Variants in RXFP1 observed in about 807,000 individuals in gnomAD.
RXFP1 encodes the protein relaxin family peptide receptor 1.
RXFP1 carries 73 observed loss-of-function variants against 89.8 expected under a neutral mutation model. The ratio of observed to expected loss-of-function variants is 0.81; its 90% confidence interval spans 0.67 to 0.99. The LOEUF (loss-of-function observed/expected upper bound fraction) is 0.99, where lower values mean the gene tolerates loss of function less well. Ranked by LOEUF, RXFP1 falls within the 50% of genes least tolerant of loss-of-function variation. The pLI is 0.00. For synonymous variants in RXFP1, 277 were observed against 305.5 expected, an observed-to-expected ratio of 0.91 and a Z score of 0.97; for missense variants, 793 against 895.5, an observed-to-expected ratio of 0.89 and a Z score of 1.46.
chr4:158,633,325 T>G, intron 11 of RXFP1, 80 bp from the exon 12 acceptor site: 1 of 913,776 alleles, frequency 1.1e-6, no homozygotes, highest in Non-Finnish European at 1.8e-6. Flanking sequence ...AAAAGTTGTA[T>G]AGTGGTTTCC....
At position 158,647,017 on chromosome 4, in the gene RXFP1, A is replaced by C; in HGVS notation, c.1572A>C (p.Gly524=). The C allele has an allele frequency of 6.2e-7, 1 of 1,614,136 alleles. No individual in the cohort carries two copies. Among genetic ancestry groups the C allele is most frequent in the Non-Finnish European group, 8.5e-7 (1 of 1,180,000 alleles). The change falls in exon 16 of 18, where the codon GGA becomes GGC. Residue 524 remains glycine (G), a synonymous_variant. Transcript: ENST00000307765. The part of the protein sequence containing the change: ...IVYPFRCVRP[G]KCRTITVLIL... ...ATCCTTTTAGATGTGTGAGACCTGG[A>C]AAATGCAGAACAATTACAGTTCTGA...
intron 9 of RXFP1, among the ~76,000 whole-genome samples, chr4:158,619,854 G>A (rs1034145895): frequency 2.0e-5 from 3 of 151,986 alleles, no homozygotes; most frequent in Non-Finnish European, 4.4e-5. Context: ...CCAGGATCTT[G>A]CACTGATCAA....
At chr4:158,640,689 T>A (rs544944911) in intron 14 of RXFP1, among the ~76,000 whole-genome samples, 1 of 152,290 alleles carries the variant, frequency 6.6e-6, no homozygotes, top group African/African-American at 2.4e-5. Flanking sequence ...AATCAACTTT[T>A]GACATGAGAT....
chr4:158,617,192 A>C lies in RXFP1; in HGVS notation c.742A>C (p.Arg248=). ...PDKPLCQHMP[R]LHWLDLEGNH... ...TAAACCTCTCTGTCAACACATGCCA[A>C]GACTACATTGGCTGTAAGCGATTCT... Residue 248 remains arginine (R), a synonymous_variant, in exon 9 of 18, where the codon AGA becomes CGA. Transcript: ENST00000307765. 4 of 1,609,658 alleles carry C rather than the reference A, an allele frequency of 2.5e-6. No individual in the cohort carries two copies. The highest frequency in any genetic ancestry group is 3.4e-6 in the Non-Finnish European group (4 of 1,177,422).
At chr4:158,543,983 C>T (rs2149843414) in intron 1 of RXFP1, 5 of 985,424 alleles carry the variant, frequency 5.1e-6, no homozygotes, top group Non-Finnish European at 6.0e-6. Context: ...TGCCATGTTT[C>T]GTCCATTTTG....
chr4:158,566,929 C>T (rs968366370), intron 1 of RXFP1, among the ~76,000 whole-genome samples: 5 of 152,284 alleles, frequency 3.3e-5, no homozygotes, highest in East Asian at 1.9e-4. Context: ...CCTCAGCTTG[C>T]GGGGAGGTGT....
intron 1 of RXFP1, among the ~76,000 whole-genome samples, chr4:158,522,889 A>T (rs554684938): frequency 2.2e-4 from 33 of 152,284 alleles, no homozygotes; most frequent in African/African-American, 7.7e-4. Context: ...AGTTTGCATA[A>T]GTTTTGTTAA....
At chr4:158,625,459 A>G (rs1414984689) in intron 9 of RXFP1, among the ~76,000 whole-genome samples, 1 of 152,122 alleles carries the variant, frequency 6.6e-6, no homozygotes. Flanking sequence ...ATGTCCCTCG[A>G]TCAGTCAATC....
At chr4:158,596,343 A>G (rs1236898419) in intron 3 of RXFP1, among the ~76,000 whole-genome samples, 1 of 149,628 alleles carries the variant, frequency 6.7e-6, no homozygotes, top group Non-Finnish European at 1.5e-5. Flanking sequence ...GGCTCACTGC[A>G]ACCTCTGCCT....
At chr4:158,541,093 G>T (rs534887706) in intron 1 of RXFP1, among the ~76,000 whole-genome samples, 2 of 152,182 alleles carry the variant, frequency 1.3e-5, no homozygotes, top group Admixed American at 1.3e-4. Context: ...GCCCTTGATG[G>T]CATTCAGAGT....
chr4:158,566,644 A>G (rs1753615695), intron 1 of RXFP1, among the ~76,000 whole-genome samples: 1 of 152,228 alleles, frequency 6.6e-6, no homozygotes. Context: ...GATTACAGGC[A>G]TAAGCCACCA....
chr4:158,538,096 T>C (rs867695203), intron 1 of RXFP1, among the ~76,000 whole-genome samples: 27 of 152,210 alleles, frequency 1.8e-4, no homozygotes, highest in Middle Eastern at 3.4e-3. Context: ...AGGGAAGAAA[T>C]GTGGAAAGAA....
At chr4:158,571,863 G>A (rs1024395705) in intron 1 of RXFP1, among the ~76,000 whole-genome samples, 17 of 152,162 alleles carry the variant, frequency 1.1e-4, no homozygotes, top group African/African-American at 4.1e-4. Flanking sequence ...ATTCAATGTG[G>A]CGATTCCCGC....
chr4:158,590,139 G>A (rs1579870290), intron 2 of RXFP1, among the ~76,000 whole-genome samples: 1 of 152,174 alleles, frequency 6.6e-6, no homozygotes, highest in African/African-American at 2.4e-5. Context: ...TCTATATAAT[G>A]TAGGGATACA....
chr4:158,612,226 T>C, intron 7 of RXFP1, 25 bp downstream of exon 7: 1 of 1,605,938 alleles, frequency 6.2e-7, no homozygotes, highest in South Asian at 1.1e-5. Context: ...TGTGGCATTT[T>C]ATTGCACTAG....
intron 1 of RXFP1, among the ~76,000 whole-genome samples, chr4:158,539,570 G>A (rs6845779): frequency 0.22 from 33,844 of 151,930 alleles, 5,397 homozygotes; most frequent in African/African-American, 0.44. Context: ...CTAGTTCCTG[G>A]TAGACATTTA....
chr4:158,589,817 C>T (rs941394157), intron 2 of RXFP1, among the ~76,000 whole-genome samples: 1 of 152,056 alleles, frequency 6.6e-6, no homozygotes, highest in South Asian at 2.1e-4. Context: ...CTTTAGGAGG[C>T]CAAGGTGGGA....
At chr4:158,587,263 C>T (rs1193454646) in intron 2 of RXFP1, among the ~76,000 whole-genome samples, 4 of 152,208 alleles carry the variant, frequency 2.6e-5, no homozygotes, top group African/African-American at 9.6e-5. Context: ...TATATGAATA[C>T]TCAAAGCCTC....
chr4:158,573,617 C>A (rs780341902), intron 2 of RXFP1, among the ~76,000 whole-genome samples: 12 of 152,110 alleles, frequency 7.9e-5, no homozygotes, highest in Non-Finnish European at 1.5e-4. Context: ...TTGTTTTAAC[C>A]CAACAAACCT....
Sources: gnomAD v4.1 joint callset for allele counts (sites outside exome capture counted in the v4.1 genomes callset) on GRCh38, gnomAD v4.1.1 for gene constraint, MANE v1.5 for transcripts, NCBI Gene and HGNC (gene_info 2026-07-23, HGNC 2026-07-21) for gene names.